DZIP1L: variants seen among roughly 807,000 people sequenced by gnomAD.
The protein encoded by DZIP1L is cilium assembly protein DZIP1L.
DZIP1L carries 90 observed loss-of-function variants against 88.7 expected under a neutral mutation model. The ratio of observed to expected loss-of-function variants is 1.02; its 90% CI spans 0.86 to 1.21. The LOEUF (loss-of-function observed/expected upper bound fraction) is 1.21. DZIP1L is among the 50% of genes most tolerant of loss of function. DZIP1L has a pLI of 0.00. For missense variants in DZIP1L, 932 were observed against 955.8 expected (o/e 0.98, Z 0.33); for synonymous variants, 363 against 372.1 (o/e 0.98, Z 0.28).
intron 11 of DZIP1L, among the ~76,000 whole-genome samples, chr3:138,072,682 G>A (rs527620457): frequency 6.6e-6 from 1 of 152,306 alleles, no homozygotes; most frequent in Admixed American, 6.5e-5. Context: ...ACCCTGTAAA[G>A]GAACTGGATC....
rs999864189 is a variant in DZIP1L at position 138,062,456 on chromosome 3, C to T, written c.*360G>A. On this transcript the variant is annotated 3_prime_UTR_variant, in exon 16 of 16. Transcript: ENST00000327532. ...TCCCCAAAAGGACCCCAGATAGGAA[C>T]CATCTCCACAGTGTTCCTGCAGTTT... 5.3e-6 allele frequency: 1 copy of T among 187,032 alleles called. No homozygotes were observed. The allele number at this position is 187,032 out of a possible 1,614,324, so 11.6% of individuals were successfully genotyped here. A position where few individuals can be genotyped will look rare whatever the true frequency, so the allele number is the denominator to read the frequency against.
chr3:138,114,484 G>C (rs992777611), intron 1 of DZIP1L, among the ~76,000 whole-genome samples: 10 of 152,202 alleles, frequency 6.6e-5, no homozygotes, highest in African/African-American at 2.4e-4. Flanking sequence ...TCCCTAAGCA[G>C]GATTGTTCTC....
chr3:138,074,383 G>C (rs896125577), intron 11 of DZIP1L, among the ~76,000 whole-genome samples: 2 of 152,208 alleles, frequency 1.3e-5, no homozygotes, highest in Non-Finnish European at 2.9e-5. Flanking sequence ...CTACAAGCTA[G>C]AAGGGATTGG....
chr3:138,097,646 T>C, intron 3 of DZIP1L, 117 bp downstream of exon 3: 1 of 925,394 alleles, frequency 1.1e-6, no homozygotes, highest in Non-Finnish European at 1.6e-6. Context: ...CATCCCCAAT[T>C]GGACAGTGAG....
intron 2 of DZIP1L, among the ~76,000 whole-genome samples, chr3:138,099,855 A>G (rs1944646362): frequency 6.6e-6 from 1 of 152,226 alleles, no homozygotes; most frequent in African/African-American, 2.4e-5. Flanking sequence ...CCTTCCAGCC[A>G]GCAGAACTGT....
chr3:138,067,006 CAG>C (rs1942935957), intron 14 of DZIP1L, among the ~76,000 whole-genome samples: 1 of 152,172 alleles, frequency 6.6e-6, no homozygotes. Context: ...CCTGCACACT[CAG>C]GGTCTTCTTT....
At chr3:138,070,685 G>A (rs889556059) in intron 12 of DZIP1L, among the ~76,000 whole-genome samples, 1 of 152,172 alleles carries the variant, frequency 6.6e-6, no homozygotes, top group African/African-American at 2.4e-5. Flanking sequence ...TCAGAGATAC[G>A]TGGGCCATAC....
intron 1 of DZIP1L, among the ~76,000 whole-genome samples, chr3:138,111,575 C>T (rs2042620741): frequency 6.6e-6 from 1 of 152,212 alleles, no homozygotes; most frequent in Non-Finnish European, 1.5e-5. Flanking sequence ...GGCTGCCCCA[C>T]TCCCAACTAC....
rs1169454314 is a variant in DZIP1L, at chr3:138,062,565, G to A, written c.*251C>T. On this transcript the variant is annotated 3_prime_UTR_variant, in exon 16 of 16. Coordinates refer to ENST00000327532, the MANE Select transcript of DZIP1L (RefSeq NM_173543.3). ...GGTAGAGGAAGAAAACTACCTGGAGGTTCTATTTTAACCCTTTCTCAAGCC... is the reference window on the plus strand; with the variant it reads ...GGTAGAGGAAGAAAACTACCTGGAGATTCTATTTTAACCCTTTCTCAAGCC... 2.4e-6 allele frequency: 1 copy of A among 422,590 alleles called. No individual in the cohort carries two copies. Among genetic ancestry groups the A allele is most frequent in the Non-Finnish European group, 4.3e-6 (1 of 234,112 alleles). The allele number at this position is 422,590 out of a possible 1,614,324, so 26.2% of individuals were successfully genotyped here. A position where few individuals can be genotyped will look rare whatever the true frequency, so the allele number is the denominator to read the frequency against.
chr3:138,101,194 C>A (rs982660263), intron 2 of DZIP1L, among the ~76,000 whole-genome samples: 9 of 151,964 alleles, frequency 5.9e-5, no homozygotes, highest in Non-Finnish European at 1.0e-4. Context: ...CACATATATA[C>A]CCTTCATTCA....
At chr3:138,083,127 C>G (rs1388542096) in intron 8 of DZIP1L, among the ~76,000 whole-genome samples, 1 of 152,200 alleles carries the variant, frequency 6.6e-6, no homozygotes, top group African/African-American at 2.4e-5. Flanking sequence ...AATAAGAGTT[C>G]TGAGTAACAT....
At chr3:138,102,011 A>G in intron 2 of DZIP1L, 2 of 1,494,188 alleles carry the variant, frequency 1.3e-6, no homozygotes, top group African/African-American at 1.4e-5. Context: ...CAGTCTTTGT[A>G]TGCTGCAGGT....
intron 1 of DZIP1L, among the ~76,000 whole-genome samples, chr3:138,114,617 C>T (rs1309226397): frequency 6.6e-6 from 1 of 152,200 alleles, no homozygotes; most frequent in Non-Finnish European, 1.5e-5. Flanking sequence ...ACACCCCATA[C>T]TTCCCAGGCC....
chr3:138,078,161 C>T lies in DZIP1L; in HGVS notation c.1289-529G>A, dbSNP rs527506059. On this transcript the variant is annotated intron_variant, in intron 10 of 15. Transcript: ENST00000327532. ...TACTTTAAGAAATACTGACCTGAGGCTAGCAAAATAAGCAATTACAATTAA... is the reference window on the plus strand; with the variant it reads ...TACTTTAAGAAATACTGACCTGAGGTTAGCAAAATAAGCAATTACAATTAA... Among the ~76,000 whole-genome samples the T allele has an allele frequency of 3.9e-5, 6 of 152,298 alleles. No individual in the cohort carries two copies. In the East Asian group the frequency reaches 1.2e-3, roughly 29 times the overall value.
chr3:138,088,421 C>T lies in DZIP1L; in HGVS notation c.957G>A (p.Gln319=), dbSNP rs781009175. 7 of 1,613,844 alleles carry T rather than the reference C, an allele frequency of 4.3e-6. No individual in the cohort carries two copies. The South Asian group carries it at 7.7e-5, about 18-fold the overall frequency. Residue 319 remains glutamine, a synonymous_variant, in exon 6 of 16, where the codon CAG becomes CAA. Transcript: ENST00000327532. ...RDEESEEWLR[Q]ARELQALREK... Reference sequence around the variant, plus strand: ...CTCTCAGGGCCTGAAGCTCCCGTGCCTGCCGAAGCCACTCCTCTGACTCCT... The same window carrying T: ...CTCTCAGGGCCTGAAGCTCCCGTGCTTGCCGAAGCCACTCCTCTGACTCCT...
intron 2 of DZIP1L, chr3:138,102,823 C>A: frequency 1.4e-6 from 1 of 727,442 alleles, no homozygotes. Context: ...GGAGCTGATG[C>A]CAGCACTGGG....
intron 14 of DZIP1L, 32 bp from the exon 15 acceptor site, chr3:138,064,799 G>C (rs376372270): frequency 2.6e-6 from 4 of 1,539,898 alleles, no homozygotes; most frequent in Middle Eastern, 1.8e-4. Flanking sequence ...GTGTCAGTGG[G>C]AGAAGCCTAG....
intron 15 of DZIP1L, 138 bp downstream of exon 15, chr3:138,064,490 G>A (rs1267956566): frequency 1.2e-6 from 2 of 1,611,434 alleles, no homozygotes; most frequent in Non-Finnish European, 1.7e-6. Flanking sequence ...AGGGGCAGAG[G>A]GAGGTCACCC....
At chr3:138,090,892 T>G (rs2107804445) in intron 5 of DZIP1L, among the ~76,000 whole-genome samples, 1 of 152,082 alleles carries the variant, frequency 6.6e-6, no homozygotes, top group South Asian at 2.1e-4. Flanking sequence ...ATAACTTTTT[T>G]TTTTTTTTTG....
Sources: allele counts gnomAD v4.1 joint callset (sites outside exome capture counted in the v4.1 genomes callset), GRCh38; gene constraint gnomAD v4.1.1; transcripts MANE v1.5; gene names NCBI Gene and HGNC (gene_info 2026-07-23, HGNC 2026-07-21).